USP32: variants seen among roughly 807,000 people sequenced by gnomAD.
USP32 encodes the protein ubiquitin specific peptidase 32, also known as ubiquitin carboxyl-terminal hydrolase 32.
USP32 carries 59 observed loss-of-function variants against 204.8 expected under a neutral mutation model. The observed-to-expected ratio is 0.29, with a 90% CI of 0.23 to 0.36. USP32 has a LOEUF of 0.36. Among genes scored for constraint, USP32 ranks in the 10% least tolerant of loss-of-function variants. The pLI, the probability that USP32 is intolerant of heterozygous loss-of-function variation, is 1.00. For missense variants in USP32, 1,160 were observed against 1,946.4 expected (o/e 0.60, Z 7.60); for synonymous variants, 517 against 678.4 (o/e 0.76, Z 3.70).
intron 2 of USP32, among the ~76,000 whole-genome samples, chr17:60,321,718 A>G (rs1206415391): frequency 6.6e-6 from 1 of 152,240 alleles, no homozygotes; most frequent in Non-Finnish European, 1.5e-5. Context: ...TGAAAAATAC[A>G]GTAACAACAA....
intron 27 of USP32, 123 bp downstream of exon 27, chr17:60,198,137 G>GAGT: frequency 7.9e-7 from 1 of 1,272,982 alleles, no homozygotes; most frequent in Non-Finnish European, 1.1e-6. Context: ...TATGCTGTCT[G>GAGT]AGTGGTTCTT....
intron 33 of USP32, 91 bp downstream of exon 33, chr17:60,180,454 A>C (rs56920372): frequency 2.2e-6 from 3 of 1,365,298 alleles, no homozygotes; most frequent in Non-Finnish European, 1.0e-6. Flanking sequence ...TCTATTTCCT[A>C]TTCAAGAGAT....
At chr17:60,331,520 C>T (rs1423365486) in intron 2 of USP32, among the ~76,000 whole-genome samples, 1 of 149,776 alleles carries the variant, frequency 6.7e-6, no homozygotes. Flanking sequence ...GAGCTGTGAT[C>T]ATGCCACTGT....
chr17:60,337,696 G>A (rs937229642), intron 2 of USP32, among the ~76,000 whole-genome samples: 1 of 152,098 alleles, frequency 6.6e-6, no homozygotes, highest in Non-Finnish European at 1.5e-5. Flanking sequence ...AGGCAATATG[G>A]TGAGACCCCG....
intron 2 of USP32, among the ~76,000 whole-genome samples, chr17:60,310,085 A>C (rs1409887272): frequency 6.6e-6 from 1 of 152,098 alleles, no homozygotes. Flanking sequence ...AGCAGGCAAT[A>C]ACAAATGCTG....
chr17:60,381,981 G>A (rs2089653954), intron 1 of USP32, among the ~76,000 whole-genome samples: 1 of 151,970 alleles, frequency 6.6e-6, no homozygotes, highest in Admixed American at 6.6e-5. Context: ...TACTTTTTTT[G>A]TGTGTATGTG....
chr17:60,193,451 A>G (rs944456173), intron 27 of USP32, among the ~76,000 whole-genome samples: 1 of 152,212 alleles, frequency 6.6e-6, no homozygotes, highest in Non-Finnish European at 1.5e-5. Context: ...TTAACTGCCA[A>G]TGATTATGTC....
Position 60,266,041 on chromosome 17 carries a change from C to G in USP32, c.862G>C (p.Glu288Gln). 6.2e-7 allele frequency: 1 copy of G among 1,614,078 alleles called. No individual in the cohort carries two copies. Among genetic ancestry groups the G allele is most frequent in the Non-Finnish European group, 8.5e-7 (1 of 1,179,976 alleles). ...VDRDGVLSRV[E>Q]LRDMVVALLE... ...AGTGCAACCACCATGTCTCTCAGTT[C>G]AACCCTGGAGAGAACTCCATCACGG... is the stretch of plus-strand genomic sequence containing the variant. Residue 288 changes from glutamate (E) to glutamine (Q), a missense_variant, in exon 8 of 34, where the codon GAA becomes CAA. Glu to Gln is a conservative substitution (Grantham distance 29, BLOSUM62 2). Around this residue, in one of 8 missense-constraint regions of USP32, gnomAD observed 536 missense variants for 680.9 expected, o/e 0.79. Transcript: ENST00000300896.
intron 11 of USP32, among the ~76,000 whole-genome samples, chr17:60,239,018 T>G (rs1175600308): frequency 2.6e-5 from 4 of 152,200 alleles, no homozygotes; most frequent in Non-Finnish European, 4.4e-5. Context: ...AGTTTTTCTT[T>G]GGTTGCTCAT....
chr17:60,316,128 C>A, intron 2 of USP32: 1 of 253,062 alleles, frequency 4.0e-6, no homozygotes, highest in South Asian at 4.1e-5. Flanking sequence ...TTTTTGAAGA[C>A]ATCAACCACT....
intron 9 of USP32, among the ~76,000 whole-genome samples, chr17:60,261,431 A>G (rs112601410): frequency 0.046 from 6,958 of 152,056 alleles, 573 homozygotes; most frequent in African/African-American, 0.16. Flanking sequence ...TGGATCACTT[A>G]AGGTCAGGAG....
chr17:60,400,361 TA>T (rs1176127751), intron 1 of USP32, among the ~76,000 whole-genome samples: 1 of 152,152 alleles, frequency 6.6e-6, no homozygotes, highest in East Asian at 1.9e-4. Context: ...GGAGACCAAT[TA>T]GGGGGCGACT....
At chr17:60,369,423 T>TAA (rs11348474) in intron 1 of USP32, among the ~76,000 whole-genome samples, 3,742 of 85,062 alleles carry the variant, frequency 0.044, 194 homozygotes, top group African/African-American at 0.12. Flanking sequence ...GACCCCTACC[T>TAA]AAAAAAAAAA....
intron 7 of USP32, among the ~76,000 whole-genome samples, chr17:60,267,713 G>T (rs1391121581): frequency 6.6e-6 from 1 of 152,004 alleles, no homozygotes; most frequent in East Asian, 1.9e-4. Context: ...TAGAGACAGG[G>T]TTTCACCATA....
At chr17:60,224,922 A>C (rs1339460317) in intron 13 of USP32, among the ~76,000 whole-genome samples, 1 of 152,234 alleles carries the variant, frequency 6.6e-6, no homozygotes, top group Non-Finnish European at 1.5e-5. Flanking sequence ...ATGAAGTTTT[A>C]GGTAAGTACC....
chr17:60,367,619 C>A (rs2089343659), intron 1 of USP32, among the ~76,000 whole-genome samples: 1 of 152,152 alleles, frequency 6.6e-6, no homozygotes, highest in Non-Finnish European at 1.5e-5. Flanking sequence ...ACCAGCTTGG[C>A]CACCATGGCA....
intron 2 of USP32, among the ~76,000 whole-genome samples, chr17:60,314,292 C>A (rs1347783104): frequency 6.6e-6 from 1 of 151,756 alleles, no homozygotes; most frequent in African/African-American, 2.4e-5. Context: ...CAGGTGTATA[C>A]CACTACTCCT....
exon 1 of USP32, chr17:60,422,332 C>T: frequency 1.2e-6 from 1 of 806,238 alleles, no homozygotes; most frequent in Non-Finnish European, 1.8e-6. Flanking sequence ...CTGCCAAAGT[C>T]TTCGCTCGAC....
intron 1 of USP32, among the ~76,000 whole-genome samples, chr17:60,356,257 T>C (rs904890722): frequency 6.6e-6 from 1 of 151,974 alleles, no homozygotes; most frequent in Non-Finnish European, 1.5e-5. Context: ...TAACAAGAGG[T>C]TAACCAAAAA....
Sources: allele counts gnomAD v4.1 joint callset (sites outside exome capture counted in the v4.1 genomes callset), GRCh38; gene constraint gnomAD v4.1.1; regional missense constraint gnomAD v4.1.1; transcripts MANE v1.5; gene names NCBI Gene and HGNC (gene_info 2026-07-23, HGNC 2026-07-21).